TJP2: variants seen among roughly 807,000 people sequenced by gnomAD.
The protein encoded by TJP2 is Friedreich ataxia region gene X104 (tight junction protein ZO-2).
In TJP2, 91 loss-of-function variants were observed where a neutral mutation model predicts 133.1. The observed-to-expected ratio is 0.68, with a 90% CI of 0.58 to 0.81. The LOEUF is 0.81. Among genes scored for constraint, TJP2 ranks in the 40% least tolerant of loss-of-function variants. The pLI is 0.00. For synonymous variants in TJP2, 592 were observed against 583.4 expected, an observed-to-expected ratio of 1.01 and a Z score of -0.21; for missense variants, 1,541 against 1,565.6, an observed-to-expected ratio of 0.98 and a Z score of 0.26.
intron 1 of TJP2, among the ~76,000 whole-genome samples, chr9:69,146,185 G>C (rs1779616003): frequency 6.6e-6 from 1 of 152,154 alleles, no homozygotes. Context: ...AACAATACAA[G>C]TGTTTTTCTG....
chr9:69,193,699 G>C (rs1367523448), intron 1 of TJP2, among the ~76,000 whole-genome samples: 1 of 142,064 alleles, frequency 7.0e-6, no homozygotes, highest in East Asian at 2.0e-4. Flanking sequence ...TTTATAACTT[G>C]CTTGAATTTC....
intron 18 of TJP2, 83 bp from the exon 19 acceptor site, chr9:69,247,929 C>G: frequency 1.4e-6 from 2 of 1,379,828 alleles, no homozygotes; most frequent in Non-Finnish European, 2.0e-6. Context: ...AGTCGCTTGG[C>G]TGTGTCCTTG....
chr9:69,179,107 A>C (rs1825301312), intron 1 of TJP2, among the ~76,000 whole-genome samples: 1 of 152,212 alleles, frequency 6.6e-6, no homozygotes, highest in Non-Finnish European at 1.5e-5. Flanking sequence ...TGCTCATGGC[A>C]GGCGAATGAA....
chr9:69,205,221 A>G (rs982585224), intron 1 of TJP2: 1 of 1,537,064 alleles, frequency 6.5e-7, no homozygotes, highest in Non-Finnish European at 8.7e-7. Context: ...AGTTGAGGAG[A>G]TGGAAAGGCC....
intron 1 of TJP2, among the ~76,000 whole-genome samples, chr9:69,143,652 T>A (rs1178135042): frequency 7.2e-5 from 11 of 152,260 alleles, no homozygotes; most frequent in African/African-American, 2.7e-4. Flanking sequence ...CCTTGTTTTT[T>A]ACTTTATTGT....
chr9:69,192,325 C>T (rs1826257349), intron 1 of TJP2, among the ~76,000 whole-genome samples: 1 of 151,984 alleles, frequency 6.6e-6, no homozygotes, highest in African/African-American at 2.4e-5. Context: ...CTCACTTGAT[C>T]CTCACCAAGA....
At chr9:69,159,241 C>G (rs972251570) in intron 2 of TJP2, among the ~76,000 whole-genome samples, 2 of 151,902 alleles carry the variant, frequency 1.3e-5, no homozygotes, top group African/African-American at 4.8e-5. Flanking sequence ...ACATCACTTG[C>G]GACCAGGAGG....
rs1831459667 is a variant in TJP2, at chr9:69,253,090, G to A, written c.3407+190G>A. 6.4e-6 allele frequency: 4 copies of A among 620,730 alleles called. No individual in the cohort carries two copies. In the African/African-American group the frequency reaches 7.4e-5, roughly 11 times the overall value. 38.5% of individuals were successfully genotyped at this position (620,730 alleles called of 1,614,324 possible). ...CAGAGTCAAAACTTAAGCATAGTTT[G>A]CTTGTGTGCTAAAACTCTGACAAAG... On this transcript the variant is annotated intron_variant, in intron 22 of 22. Coordinates refer to ENST00000377245, the MANE Select transcript of TJP2 (RefSeq NM_004817.4).
chr9:69,236,357 A>G (rs1830191241), intron 13 of TJP2, 119 bp downstream of exon 13: 5 of 990,260 alleles, frequency 5.0e-6, no homozygotes, highest in Non-Finnish European at 6.1e-6. Flanking sequence ...ACTTGTCACC[A>G]TCTATTTCTT....
intron 8 of TJP2, 53 bp downstream of exon 8, chr9:69,227,926 A>C: frequency 6.2e-7 from 1 of 1,613,590 alleles, no homozygotes; most frequent in Non-Finnish European, 8.5e-7. Flanking sequence ...GTACACACAT[A>C]TGTATTTATG....
chr9:69,181,962 C>T (rs1587989508), intron 1 of TJP2, among the ~76,000 whole-genome samples: 1 of 152,178 alleles, frequency 6.6e-6, no homozygotes, highest in Non-Finnish European at 1.5e-5. Flanking sequence ...TCTTGAGAAT[C>T]CTTCTTCCTC....
chr9:69,192,933 T>G (rs1316327405), intron 1 of TJP2, among the ~76,000 whole-genome samples: 3 of 150,448 alleles, frequency 2.0e-5, no homozygotes, highest in Non-Finnish European at 4.4e-5. Flanking sequence ...TTTTTTTTTT[T>G]TTTTTTGAGA....
At chr9:69,153,214 C>T (rs1303242977) in intron 2 of TJP2, among the ~76,000 whole-genome samples, 2 of 151,832 alleles carry the variant, frequency 1.3e-5, no homozygotes, top group Non-Finnish European at 2.9e-5. Context: ...GCCTGGGCAA[C>T]AGAGTGAGAC....
At chr9:69,249,266 C>A in intron 19 of TJP2, 109 bp from the exon 20 acceptor site, 3 of 1,533,376 alleles carry the variant, frequency 2.0e-6, no homozygotes, top group Non-Finnish European at 2.6e-6. Context: ...CGGCTCAGAA[C>A]CTCAACTTCT....
chr9:69,154,610 C>T (rs926776108), intron 2 of TJP2, among the ~76,000 whole-genome samples: 7 of 150,414 alleles, frequency 4.7e-5, no homozygotes, highest in African/African-American at 1.7e-4. Flanking sequence ...GCGACATAGA[C>T]CGACCCTGTC....
intron 1 of TJP2, among the ~76,000 whole-genome samples, chr9:69,176,544 G>A (rs778311446): frequency 6.6e-6 from 1 of 152,092 alleles, no homozygotes; most frequent in Non-Finnish European, 1.5e-5. Context: ...TAAATGACTT[G>A]ACTTTCCCTA....
chr9:69,220,619 G>A (rs1231864387), intron 4 of TJP2, among the ~76,000 whole-genome samples: 1 of 152,186 alleles, frequency 6.6e-6, no homozygotes, highest in Admixed American at 6.5e-5. Flanking sequence ...GGGCCTCTGA[G>A]ACTTTTCAAA....
At chr9:69,177,609 A>C (rs1825190808) in intron 1 of TJP2, among the ~76,000 whole-genome samples, 1 of 152,070 alleles carries the variant, frequency 6.6e-6, no homozygotes, top group Non-Finnish European at 1.5e-5. Flanking sequence ...TCCAATATGC[A>C]GTATTGCAGT....
chr9:69,145,874 T>C (rs1187449287), intron 1 of TJP2: 1 of 1,133,370 alleles, frequency 8.8e-7, no homozygotes, highest in Non-Finnish European at 1.1e-6. Context: ...TTTTTGTCTG[T>C]TTTGGGGACC....
Sources: gnomAD v4.1 joint callset for allele counts (sites outside exome capture counted in the v4.1 genomes callset) on GRCh38, gnomAD v4.1.1 for gene constraint, MANE v1.5 for transcripts, NCBI Gene and HGNC (gene_info 2026-07-23, HGNC 2026-07-21) for gene names.